FAT4: variants seen among roughly 807,000 people sequenced by gnomAD.
The protein encoded by FAT4 is protocadherin Fat 4.
A neutral mutation model predicts 303.9 loss-of-function variants in FAT4; 84 were observed. That is an observed-to-expected ratio of 0.28 (90% CI 0.23 to 0.33). The LOEUF (loss-of-function observed/expected upper bound fraction) is 0.33, where lower values mean the gene tolerates loss of function less well. FAT4 is among the 10% of genes least tolerant of loss of function. The pLI is 1.00. For missense variants in FAT4, 6,005 were observed against 6,146.8 expected (o/e 0.98, Z 0.77); for synonymous variants, 2,307 against 2,298.8 (o/e 1.00, Z -0.10).
In FAT4 at chr4:125,451,209, C is replaced by T. The variant is rs1553927211; in HGVS notation, c.10199C>T (p.Ala3400Val). The T allele has an allele frequency of 1.2e-6, 2 of 1,614,132 alleles. No homozygotes were observed. Among genetic ancestry groups the T allele is most frequent in the Middle Eastern group, 3.3e-4 (2 of 6,062 alleles). ...EVTVNVTVLD[A>V]NDPPIFTLNI... ...ACTGTAAATGTCACCGTGCTTGATG[C>T]AAATGACCCACCCATTTTTACTCTA... Residue 3400 changes from alanine to valine, a missense_variant, in exon 10 of 18, where the codon GCA becomes GTA. Ala to Val is a moderately conservative substitution (Grantham distance 64). Coordinates refer to ENST00000394329, the MANE Select transcript of FAT4 (RefSeq NM_001291303.3).
chr4:125,463,821 A>G (rs1287908129), intron 11 of FAT4, among the ~76,000 whole-genome samples, 154 bp downstream of exon 11: 2 of 152,138 alleles, frequency 1.3e-5, no homozygotes, highest in African/African-American at 4.8e-5. Context: ...ACATTTGTAA[A>G]AGTTATGGAA....
intron 2 of FAT4, among the ~76,000 whole-genome samples, chr4:125,380,105 A>G (rs1733484611): frequency 6.7e-6 from 1 of 150,178 alleles, no homozygotes; most frequent in Non-Finnish European, 1.5e-5. Context: ...GTTGGTCAGG[A>G]TGGTCTCGAA....
chr4:125,342,588 C>A (rs1395030814), intron 2 of FAT4, among the ~76,000 whole-genome samples: 1 of 151,944 alleles, frequency 6.6e-6, no homozygotes, highest in African/African-American at 2.4e-5. Flanking sequence ...TTGCCTTATA[C>A]ACTCATATTT....
At position 125,451,168 on chromosome 4, in the gene FAT4, A is replaced by G. The variant is rs144585931; in HGVS notation, c.10158A>G (p.Ala3386=). 1.0e-3 allele frequency: 1,692 copies of G among 1,614,172 alleles called. 16 individuals are homozygous for G. In the African/African-American group the frequency reaches 0.015, roughly 14 times the overall value. The change falls in exon 10 of 18, where the codon GCA becomes GCG. Residue 3386 remains alanine, a synonymous_variant. Coordinates refer to ENST00000394329, the MANE Select transcript of FAT4 (RefSeq NM_001291303.3). ...AGAACTTTGGCAGCATTAGAGGTGC[A>G]GATATAGATGAGGTCACTGTAAATG... The part of the protein sequence containing the change: ...LAKNFGSIRG[A]DIDEVTVNVT...
Position 125,451,277 on chromosome 4 carries a change from A to G in FAT4, c.10267A>G (p.Thr3423Ala), listed in dbSNP as rs112983813. The G allele has an allele frequency of 6.2e-6, 10 of 1,614,016 alleles. No homozygotes were observed. Among genetic ancestry groups the G allele is most frequent in the Non-Finnish European group, 8.5e-6 (10 of 1,179,986 alleles). The change falls in exon 10 of 18, where the codon ACT (threonine) becomes GCT (alanine). Residue 3423 changes from threonine (T) to alanine (A), a missense_variant. Transcript: ENST00000394329. ...GATCAGTGAAGGGGTCCCAATAGGA[A>G]CTCATGTGACCTTTGTCAGTGCCTT... ...VQISEGVPIG[T>A]HVTFVSAFDS... is the part of the protein sequence containing the mutation.
intron 3 of FAT4, among the ~76,000 whole-genome samples, chr4:125,399,979 A>AAGTTTAT (rs1306212580): frequency 6.6e-6 from 1 of 151,858 alleles, no homozygotes; most frequent in African/African-American, 2.4e-5. Flanking sequence ...CATTTTCTTA[A>AAGTTTAT]AGTTTATCAT....
At chr4:125,343,021 C>T (rs1308522037) in intron 2 of FAT4, among the ~76,000 whole-genome samples, 1 of 152,080 alleles carries the variant, frequency 6.6e-6, no homozygotes, top group Non-Finnish European at 1.5e-5. Context: ...TTAATAACTA[C>T]ATAGCAAAAG....
intron 8 of FAT4, among the ~76,000 whole-genome samples, chr4:125,439,327 T>G (rs530516601): frequency 1.3e-5 from 2 of 150,930 alleles, no homozygotes; most frequent in South Asian, 4.2e-4. Context: ...CTAAGGAAGA[T>G]TTCTTTTCTT....
intron 2 of FAT4, among the ~76,000 whole-genome samples, chr4:125,334,142 C>T (rs1731485563): frequency 6.6e-6 from 1 of 152,086 alleles, no homozygotes; most frequent in South Asian, 2.1e-4. Context: ...TGACTCCAGT[C>T]CTTAAACTCG....
chr4:125,375,601 A>G (rs1733282941), intron 2 of FAT4, among the ~76,000 whole-genome samples: 1 of 152,180 alleles, frequency 6.6e-6, no homozygotes, highest in African/African-American at 2.4e-5. Flanking sequence ...TCACTGCACT[A>G]AGAGTAAACT....
chr4:125,331,982 AT>A (rs1337524017), intron 2 of FAT4, among the ~76,000 whole-genome samples: 6 of 152,108 alleles, frequency 3.9e-5, no homozygotes, highest in Non-Finnish European at 5.9e-5. Flanking sequence ...TATTTTCCTC[AT>A]TTGTAAAATG....
intron 2 of FAT4, among the ~76,000 whole-genome samples, chr4:125,345,585 G>A (rs1731967802): frequency 6.6e-6 from 1 of 151,872 alleles, no homozygotes; most frequent in South Asian, 2.1e-4. Context: ...TAGCATTTAA[G>A]GATTTTCATC....
intron 13 of FAT4, 122 bp downstream of exon 13, chr4:125,476,378 C>A: frequency 2.6e-6 from 1 of 384,082 alleles, no homozygotes; most frequent in East Asian, 4.2e-5. Flanking sequence ...TTATTTCCCT[C>A]TCCAAATTTT....
Position 125,316,766 on chromosome 4 carries a change from A to G in FAT4, c.355A>G (p.Thr119Ala). 6.2e-7 allele frequency: 1 copy of G among 1,613,664 alleles called. No individual in the cohort carries two copies. Among genetic ancestry groups the G allele is most frequent in the African/African-American group, 1.3e-5 (1 of 74,908 alleles). Residue 119 changes from threonine to alanine, a missense_variant, in exon 2 of 18, where the codon ACC becomes GCC. Thr to Ala is a moderately conservative substitution (Grantham distance 58). Transcript: ENST00000394329. This position sits in a 1 kb window ranked among gnomAD's most constrained non-coding sequence, Gnocchi z 5.7. ...CCTTTCCAGCGCGCCCACCTACCCC[A>G]CCGAAGTGCGAGTGCTGGTGCGGGA... Reference protein sequence around the residue: ...VVLSSAPTYPTEVRVLVRDLN... With the variant: ...VVLSSAPTYPAEVRVLVRDLN...
chr4:125,406,528 T>TA (rs924666663), intron 3 of FAT4, among the ~76,000 whole-genome samples: 1 of 152,182 alleles, frequency 6.6e-6, no homozygotes, highest in African/African-American at 2.4e-5. Context: ...CCTATTTGTA[T>TA]AAAAAATGCT....
At chr4:125,480,889 A>G (rs914864346) in intron 15 of FAT4, among the ~76,000 whole-genome samples, 1 of 152,048 alleles carries the variant, frequency 6.6e-6, no homozygotes, top group Non-Finnish European at 1.5e-5. Flanking sequence ...GCTGAAATCC[A>G]TTTGAGCTCA....
In FAT4 at chr4:125,451,735, C is replaced by T; in HGVS notation, c.10725C>T (p.Asp3575=). The change falls in exon 10 of 18, where the codon GAC becomes GAT. Residue 3575 remains aspartate (D), a synonymous_variant. Coordinates refer to ENST00000394329, the MANE Select transcript of FAT4 (RefSeq NM_001291303.3). Reference sequence around the variant, plus strand: ...TTCTGAGCACAACCAGAGAGATTGACAGAGAGCAGATTGCAGACTTCTATC... The same window carrying T: ...TTCTGAGCACAACCAGAGAGATTGATAGAGAGCAGATTGCAGACTTCTATC... ...AGVLSTTREI[D]REQIADFYLS... is the part of the protein sequence containing the mutation. 1 of 1,614,176 alleles carries T rather than the reference C, an allele frequency of 6.2e-7. No individual in the cohort carries two copies. The highest frequency in any genetic ancestry group is 1.1e-5 in the South Asian group (1 of 91,080).
In FAT4 at chr4:125,491,952, CAT is replaced by C. The variant is rs745979232; in HGVS notation, c.*185_*186del. 23 of 598,202 alleles carry C rather than the reference CAT, an allele frequency of 3.8e-5. No individual in the cohort carries two copies. The highest frequency in any genetic ancestry group is 7.4e-5 in the African/African-American group (4 of 53,920). The allele number at this position is 598,202 out of a possible 1,614,324, so 37.1% of individuals were successfully genotyped here. ...GACTCACAACAACTCTTAATTTAAACATGTGTGGTTGAATTTATTTCCCTGCA... is the reference window on the plus strand; with the variant it reads ...GACTCACAACAACTCTTAATTTAAACGTGTGGTTGAATTTATTTCCCTGCA... On this transcript the variant is annotated 3_prime_UTR_variant, in exon 18 of 18. Coordinates refer to ENST00000394329, the MANE Select transcript of FAT4 (RefSeq NM_001291303.3).
At chr4:125,414,686 CTT>C (rs1734969175) in intron 5 of FAT4, among the ~76,000 whole-genome samples, 196 bp from the exon 6 acceptor site, 1 of 152,072 alleles carries the variant, frequency 6.6e-6, no homozygotes, top group African/African-American at 2.4e-5. Context: ...TTTTTCTCCT[CTT>C]TACTTTTGTA....
Sources: gnomAD v4.1 joint callset for allele counts (sites outside exome capture counted in the v4.1 genomes callset) on GRCh38, gnomAD v4.1.1 for gene constraint, Gnocchi (gnomAD v3.1) non-coding constraint, MANE v1.5 for transcripts, NCBI Gene and HGNC (gene_info 2026-07-23, HGNC 2026-07-21) for gene names.